Variants in SEMA5A observed in about 807,000 individuals in gnomAD.
SEMA5A encodes semaphorin 5A, also known as semaphorin-5A.
SEMA5A carries 55 observed loss-of-function variants against 135.5 expected under a neutral mutation model. The ratio of observed to expected loss-of-function variants is 0.41; its 90% CI spans 0.33 to 0.51. The LOEUF (loss-of-function observed/expected upper bound fraction) is 0.51, where lower values mean the gene tolerates loss of function less well. Among genes scored for constraint, SEMA5A ranks in the 20% least tolerant of loss-of-function variants. The pLI, the probability that SEMA5A is intolerant of heterozygous loss-of-function variation, is 0.37. For synonymous variants in SEMA5A, 580 were observed against 546.5 expected (o/e 1.06, Z -0.85); for missense variants, 1,290 against 1,419.9 (o/e 0.91, Z 1.47).
At chr5:9,363,197 C>A (rs1754772450) in intron 3 of SEMA5A, 1 of 152,176 alleles carries the variant, frequency 6.6e-6, no homozygotes, top group African/African-American at 2.4e-5. Flanking sequence ...ATAAGTCTTT[C>A]TAATCTGTTC....
At chr5:9,456,928 G>A (rs1758860688) in intron 1 of SEMA5A, among the ~76,000 whole-genome samples, 7 of 152,144 alleles carry the variant, frequency 4.6e-5, no homozygotes, top group South Asian at 2.1e-4. Flanking sequence ...TTTCTACAGA[G>A]CAACTAAACT....
intron 1 of SEMA5A, among the ~76,000 whole-genome samples, chr5:9,542,919 C>T (rs17328863): frequency 0.096 from 14,652 of 152,264 alleles, 955 homozygotes; most frequent in Non-Finnish European, 0.14. Context: ...CCTTTATACT[C>T]TTGGCTGGAC....
intron 5 of SEMA5A, among the ~76,000 whole-genome samples, chr5:9,259,889 A>T (rs1193345528): frequency 9.0e-5 from 3 of 33,356 alleles, no homozygotes; most frequent in Non-Finnish European, 6.1e-5. Flanking sequence ...AAATAACTAA[A>T]ATCAGAGCAG....
intron 12 of SEMA5A, among the ~76,000 whole-genome samples, chr5:9,137,711 A>G (rs1030876386): frequency 2.0e-5 from 3 of 152,236 alleles, no homozygotes; most frequent in Non-Finnish European, 2.9e-5. Flanking sequence ...GAAATCTGGT[A>G]GGACCAGAAG....
At chr5:9,488,252 C>T (rs1421352476) in intron 1 of SEMA5A, among the ~76,000 whole-genome samples, 1 of 152,108 alleles carries the variant, frequency 6.6e-6, no homozygotes, top group Non-Finnish European at 1.5e-5. Context: ...TTTCCTCCTT[C>T]CTTGGACATG....
chr5:9,066,150 T>TTTG, intron 17 of SEMA5A, among the ~76,000 whole-genome samples: 2 of 152,178 alleles, frequency 1.3e-5, no homozygotes, highest in African/African-American at 2.4e-5. Context: ...TGAATAAATC[T>TTTG]CACACAAATG....
intron 1 of SEMA5A, among the ~76,000 whole-genome samples, chr5:9,491,077 G>A (rs148109982): frequency 2.0e-5 from 3 of 152,232 alleles, no homozygotes; most frequent in African/African-American, 7.2e-5. Context: ...ACAGGGACAA[G>A]TTATTCTCCT....
chr5:9,409,250 G>A (rs953251429), intron 2 of SEMA5A, among the ~76,000 whole-genome samples: 1 of 152,178 alleles, frequency 6.6e-6, no homozygotes, highest in Non-Finnish European at 1.5e-5. Context: ...CACTAGAAAA[G>A]ACAAAAGATA....
intron 3 of SEMA5A, among the ~76,000 whole-genome samples, chr5:9,356,970 G>GAA (rs1754477949): frequency 6.6e-6 from 1 of 152,054 alleles, no homozygotes; most frequent in African/African-American, 2.4e-5. Flanking sequence ...AGAAAGCCCC[G>GAA]AACGATGAGG....
At position 9,136,508 on chromosome 5, in the gene SEMA5A, C is replaced by T; in HGVS notation, c.1595G>A (p.Cys532Tyr). ...ATGGAGAAGGTGGGCACTCACCGGA[C>T]ACGCAGAGATGCTCTGTTCCCACTG... ...MTQWEQSISA[C>Y]PTRNLTVDGH... The change falls in exon 13 of 23, where the codon TGT (cysteine) becomes TAT (tyrosine). Residue 532 changes from cysteine (C) to tyrosine (Y), a missense_variant. Physicochemically the swap from Cys to Tyr is radical, Grantham distance 194. This residue lies in a region of SEMA5A where 1,029 missense variants were observed against 1,086.6 expected (regional missense o/e 0.95). Coordinates refer to ENST00000382496, the MANE Select transcript of SEMA5A (RefSeq NM_003966.3). 6.2e-7 allele frequency: 1 copy of T among 1,612,466 alleles called. No homozygotes were observed. Among genetic ancestry groups the T allele is most frequent in the Non-Finnish European group, 8.5e-7 (1 of 1,178,460 alleles).
intron 8 of SEMA5A, among the ~76,000 whole-genome samples, chr5:9,221,449 C>CATA (rs1746971396): frequency 6.6e-6 from 1 of 151,242 alleles, no homozygotes; most frequent in South Asian, 2.1e-4. Flanking sequence ...ACTACAGGCG[C>CATA]CCACCACCAC....
At chr5:9,192,245 TG>T (rs1745150073) in intron 10 of SEMA5A, among the ~76,000 whole-genome samples, 1 of 152,258 alleles carries the variant, frequency 6.6e-6, no homozygotes, top group Non-Finnish European at 1.5e-5. Context: ...TGGTCTGAGG[TG>T]AGGTCTCGCC....
At chr5:9,287,446 C>A (rs7729251) in intron 5 of SEMA5A, among the ~76,000 whole-genome samples, 1 of 151,928 alleles carries the variant, frequency 6.6e-6, no homozygotes, top group South Asian at 2.1e-4. Context: ...TTTAGAGGAA[C>A]GTAACTAAAA....
chr5:9,453,340 C>G (rs939805394), intron 1 of SEMA5A, among the ~76,000 whole-genome samples: 7 of 152,176 alleles, frequency 4.6e-5, no homozygotes, highest in African/African-American at 7.2e-5. Context: ...ATCCTATCAC[C>G]TTCTTGTTTC....
At chr5:9,406,794 A>G (rs1403640064) in intron 2 of SEMA5A, among the ~76,000 whole-genome samples, 1 of 152,236 alleles carries the variant, frequency 6.6e-6, no homozygotes. Flanking sequence ...TACGGAAATG[A>G]TATTAAATGA....
chr5:9,478,049 C>T (rs1479340217), intron 1 of SEMA5A, among the ~76,000 whole-genome samples: 1 of 152,188 alleles, frequency 6.6e-6, no homozygotes, highest in African/African-American at 2.4e-5. Context: ...CAGCTACAGA[C>T]ATGACTATAG....
chr5:9,047,590 A>G (rs899104434), intron 21 of SEMA5A, among the ~76,000 whole-genome samples: 45 of 152,158 alleles, frequency 3.0e-4, no homozygotes, highest in African/African-American at 1.0e-3. Context: ...CAGACCAACT[A>G]CCCTGTTGGT....
At chr5:9,394,508 C>A (rs1756305034) in intron 2 of SEMA5A, among the ~76,000 whole-genome samples, 1 of 152,170 alleles carries the variant, frequency 6.6e-6, no homozygotes, top group African/African-American at 2.4e-5. Context: ...TGGCCACTCA[C>A]TGCCCACCAA....
At chr5:9,102,403 T>C (rs1401490212) in intron 16 of SEMA5A, among the ~76,000 whole-genome samples, 2 of 152,156 alleles carry the variant, frequency 1.3e-5, no homozygotes, top group East Asian at 3.9e-4. Context: ...CAGGAATACA[T>C]TGTCCATGGA....
Sources: gnomAD v4.1 joint callset for allele counts (sites outside exome capture counted in the v4.1 genomes callset) on GRCh38, gnomAD v4.1.1 for gene constraint, gnomAD v4.1.1 regional missense constraint, MANE v1.5 for transcripts, NCBI Gene and HGNC (gene_info 2026-07-23, HGNC 2026-07-21) for gene names.